GNAI2: variants seen among roughly 807,000 people sequenced by gnomAD.
The protein encoded by GNAI2 is G protein subunit alpha i2, also known as guanine nucleotide-binding protein G(i) subunit alpha-2.
In GNAI2, 4 loss-of-function variants were observed where a neutral mutation model predicts 36.8. That is an observed-to-expected ratio of 0.11 (90% CI 0.05 to 0.25). The LOEUF is 0.25. Among genes scored for constraint, GNAI2 ranks in the 10% least tolerant of loss-of-function variants. The pLI is 1.00. For missense variants in GNAI2, 230 were observed against 481.3 expected, an observed-to-expected ratio of 0.48 and a Z score of 4.89; for synonymous variants, 194 against 194.1, an observed-to-expected ratio of 1.00 and a Z score of 0.01.
At position 50,248,985 on chromosome 3, in the gene GNAI2, C is replaced by T. The variant is rs375821201; in HGVS notation, c.119-3115C>T. Among the ~76,000 whole-genome samples, 5 of 152,172 alleles carry T rather than the reference C, an allele frequency of 3.3e-5. No individual in the cohort carries two copies. The South Asian group carries it at 6.2e-4, about 19-fold the overall frequency. On this transcript the variant is annotated intron_variant, in intron 1 of 8. Coordinates refer to ENST00000313601, the MANE Select transcript of GNAI2 (RefSeq NM_002070.4). The stretch of plus-strand genomic sequence containing the variant: ...CTCGTCCCTGGGCAGGGTCACGAAG[C>T]GGCCCACATCACCTACTAAGAGTGG...
chr3:50,247,911 C>G (rs1236955385), intron 1 of GNAI2, among the ~76,000 whole-genome samples: 1 of 152,248 alleles, frequency 6.6e-6, no homozygotes, highest in African/African-American at 2.4e-5. Context: ...CTTCTATTGC[C>G]TCAGTTCCCC....
chr3:50,254,790 C>T (rs1465372856), intron 4 of GNAI2, among the ~76,000 whole-genome samples: 1 of 152,246 alleles, frequency 6.6e-6, no homozygotes, highest in Non-Finnish European at 1.5e-5. Flanking sequence ...GTGCCCAGCA[C>T]AGTTTTGGGA....
At chr3:50,232,741 G>C (rs1247773335), upstream of GNAI2, among the ~76,000 whole-genome samples, 1 of 152,170 alleles carries the variant, frequency 6.6e-6, no homozygotes, top group African/African-American at 2.4e-5. Flanking sequence ...TAAATTGTAG[G>C]GAAACAGGAG....
At chr3:50,230,847 G>A in exon 1 of GNAI2, 1 of 985,572 alleles carries the variant, frequency 1.0e-6, no homozygotes, top group Non-Finnish European at 1.2e-6. Flanking sequence ...TGGCTAGGCA[G>A]CTGCCCTCTG....
In GNAI2 at chr3:50,258,911, C is replaced by T. The variant is rs782384531; in HGVS notation, c.*568C>T. The T allele has an allele frequency of 4.6e-6, 2 of 436,476 alleles. No individual in the cohort carries two copies. Among genetic ancestry groups the T allele is most frequent in the South Asian group, 3.3e-5 (2 of 59,864 alleles). The allele number at this position is 436,476 out of a possible 1,614,324, so 27.0% of individuals were successfully genotyped here. On this transcript the variant is annotated 3_prime_UTR_variant, in exon 9 of 9. Transcript: ENST00000313601. ...ATGAAAGTAAAGGAAAAAAAAAAAACTGCAAATCTAGAAAACTTTTTAGAG... is the reference window on the plus strand; with the variant it reads ...ATGAAAGTAAAGGAAAAAAAAAAAATTGCAAATCTAGAAAACTTTTTAGAG...
At chr3:50,228,673 T>C (rs1700019105), upstream of GNAI2, among the ~76,000 whole-genome samples, 1 of 152,198 alleles carries the variant, frequency 6.6e-6, no homozygotes, top group Non-Finnish European at 1.5e-5. Flanking sequence ...ATCTGGCCCC[T>C]GCTGACCCCT....
At position 50,252,614 on chromosome 3, in the gene GNAI2, T is replaced by A; in HGVS notation, c.303+76T>A. The A allele has an allele frequency of 1.6e-6, 2 of 1,273,090 alleles. No homozygotes were observed. Among genetic ancestry groups the A allele is most frequent in the South Asian group, 1.3e-5 (1 of 79,986 alleles). 78.9% of individuals were successfully genotyped at this position (1,273,090 alleles called of 1,614,324 possible). The stretch of plus-strand genomic sequence containing the variant: ...GGCTGGTTGTGGTGGCTCATGCCTA[T>A]AAATCCCAGCACTTTGGGACGCCGA... On this transcript the variant is annotated intron_variant, in intron 3 of 8. Coordinates refer to ENST00000313601, the MANE Select transcript of GNAI2 (RefSeq NM_002070.4). This position sits in a 1 kb window ranked among gnomAD's most constrained non-coding sequence, Gnocchi z 4.1.
chr3:50,248,885 G>A (rs1700481950), intron 1 of GNAI2, among the ~76,000 whole-genome samples: 2 of 152,064 alleles, frequency 1.3e-5, no homozygotes, highest in Admixed American at 1.3e-4. Context: ...AGTGTGACTG[G>A]CTCTGTGCTG....
At chr3:50,247,207 G>A (rs1008094874) in intron 1 of GNAI2, 16 of 629,384 alleles carry the variant, frequency 2.5e-5, no homozygotes, top group African/African-American at 1.1e-4. Context: ...AGGAGACAGC[G>A]TTGTCCCATT....
upstream of GNAI2, among the ~76,000 whole-genome samples, chr3:50,228,617 C>A (rs1413954869): frequency 2.0e-5 from 3 of 151,976 alleles, no homozygotes; most frequent in East Asian, 1.9e-4. Flanking sequence ...TTGTTTCCTT[C>A]ATACTTGGAA....
chr3:50,252,434 C>A lies in GNAI2; in HGVS notation c.199C>A (p.Arg67=). ...HEDGYSEEEC[R]QYRAVVYSNT... Reference sequence around the variant, plus strand: ...GGATGGCTACTCCGAGGAGGAATGCCGGCAGTACCGGGCGGTTGTCTACAG... The same window carrying A: ...GGATGGCTACTCCGAGGAGGAATGCAGGCAGTACCGGGCGGTTGTCTACAG... The change falls in exon 3 of 9, where the codon CGG becomes AGG. Residue 67 remains arginine (R), a synonymous_variant. Transcript: ENST00000313601. The surrounding 1 kb of genome is among the most constrained non-coding windows in gnomAD (Gnocchi z 4.1). The A allele has an allele frequency of 1.2e-6, 2 of 1,613,648 alleles. No homozygotes were observed. Among genetic ancestry groups the A allele is most frequent in the Non-Finnish European group, 1.7e-6 (2 of 1,179,870 alleles).
chr3:50,234,474 C>T (rs1177794326), upstream of GNAI2, among the ~76,000 whole-genome samples: 3 of 152,000 alleles, frequency 2.0e-5, no homozygotes, highest in Non-Finnish European at 4.4e-5. Flanking sequence ...GCCTCAGTCT[C>T]CCAAGTAGCT....
At chr3:50,240,728 C>T (rs1700279597) in intron 1 of GNAI2, among the ~76,000 whole-genome samples, 1 of 151,928 alleles carries the variant, frequency 6.6e-6, no homozygotes, top group Non-Finnish European at 1.5e-5. Flanking sequence ...ACCAGCCTGG[C>T]CAACATGGTG....
intron 1 of GNAI2, among the ~76,000 whole-genome samples, chr3:50,247,786 G>A (rs587693451): frequency 6.6e-6 from 1 of 152,248 alleles, no homozygotes; most frequent in Admixed American, 6.5e-5. Context: ...GTGTGACTCA[G>A]TGGGAATGCC....
In GNAI2 at chr3:50,236,582, A is replaced by C; in HGVS notation, c.118+129A>C. ...TCTGGGACCCCACACCTGGGCCAGG[A>C]CCAGGGTTGAAAACTCTAGATTGGA... On this transcript the variant is annotated intron_variant, in intron 1 of 8. Coordinates refer to ENST00000313601, the MANE Select transcript of GNAI2 (RefSeq NM_002070.4). This position sits in a 1 kb window ranked among gnomAD's most constrained non-coding sequence, Gnocchi z 4.0. 1 of 1,296,446 alleles carries C rather than the reference A, an allele frequency of 7.7e-7. No homozygotes were observed. The highest frequency in any genetic ancestry group is 1.0e-6 in the Non-Finnish European group (1 of 979,520). The allele number at this position is 1,296,446 out of a possible 1,614,324, so 80.3% of individuals were successfully genotyped here. A position where few individuals can be genotyped will look rare whatever the true frequency, so the allele number is the denominator to read the frequency against.
At chr3:50,231,577 A>T (rs587651964), upstream of GNAI2, among the ~76,000 whole-genome samples, 1 of 152,094 alleles carries the variant, frequency 6.6e-6, no homozygotes, top group African/African-American at 2.4e-5. Context: ...ACCCGGCCTT[A>T]TTCATTTAAG....
In GNAI2 at chr3:50,256,232, A is replaced by G. The variant is rs782618510; in HGVS notation, c.505A>G (p.Ile169Val). The G allele has an allele frequency of 2.5e-6, 4 of 1,605,354 alleles. No individual in the cohort carries two copies. Among genetic ancestry groups the G allele is most frequent in the Non-Finnish European group, 3.4e-6 (4 of 1,174,514 alleles). ...GGAGCGTATTGCACAGAGTGACTAC[A>G]TCCCCACACAGCAAGATGTGCTACG... Reference protein sequence around the residue: ...DLERIAQSDYIPTQQDVLRTR... With the variant: ...DLERIAQSDYVPTQQDVLRTR... The change falls in exon 5 of 9, where the codon ATC becomes GTC. Residue 169 changes from isoleucine to valine, a missense_variant. By Grantham distance (29) the Ile-to-Val change is conservative. Transcript: ENST00000313601.
At chr3:50,232,825 T>C (rs995340134), upstream of GNAI2, among the ~76,000 whole-genome samples, 5 of 149,054 alleles carry the variant, frequency 3.4e-5, no homozygotes, top group African/African-American at 9.9e-5. Flanking sequence ...GGAGGGGAAA[T>C]TGAGGTAGGG....
chr3:50,254,872 G>A (rs1371587628), intron 4 of GNAI2, among the ~76,000 whole-genome samples: 1 of 152,238 alleles, frequency 6.6e-6, no homozygotes, highest in Non-Finnish European at 1.5e-5. Context: ...GTTGCGGATT[G>A]GAACACCACA....
Sources: gnomAD v4.1 joint callset for allele counts (sites outside exome capture counted in the v4.1 genomes callset) on GRCh38, gnomAD v4.1.1 for gene constraint, Gnocchi (gnomAD v3.1) non-coding constraint, MANE v1.5 for transcripts, NCBI Gene and HGNC (gene_info 2026-07-23, HGNC 2026-07-21) for gene names.